The following GPM6B variants were observed in gnomAD, a reference collection of about 807,000 sequenced individuals.
The protein encoded by GPM6B is neuronal membrane glycoprotein M6-b.
GPM6B carries 4 observed loss-of-function variants against 27.2 expected under a neutral mutation model. That is an observed-to-expected ratio of 0.15 (90% CI 0.07 to 0.34). The LOEUF is 0.34. GPM6B is among the 10% of genes least tolerant of loss of function. The probability of loss-of-function intolerance (pLI) is 1.00; values close to 1 mark genes in which losing one functional copy is unlikely to be tolerated. For synonymous variants in GPM6B, 124 were observed against 103.1 expected (o/e 1.20, Z -1.23); for missense variants, 183 against 261.9 (o/e 0.70, Z 2.08).
At chrX:13,840,994 T>C (rs1032811374) in intron 1 of GPM6B, among the ~76,000 whole-genome samples, 2 of 112,304 alleles carry the variant, frequency 1.8e-5, no homozygotes, top group Admixed American at 1.9e-4. Flanking sequence ...CATATATGCA[T>C]GCATGGGTGT....
At chrX:13,913,165 T>A (rs1316925124) in intron 1 of GPM6B, among the ~76,000 whole-genome samples, 1 of 111,568 alleles carries the variant, frequency 9.0e-6, no homozygotes, top group Non-Finnish European at 1.9e-5. Context: ...TATCTATCTA[T>A]CTGAGACAGG....
At chrX:13,869,229 A>G (rs191983795) in intron 1 of GPM6B, among the ~76,000 whole-genome samples, 1 of 112,416 alleles carries the variant, frequency 8.9e-6, no homozygotes, top group East Asian at 2.8e-4. Flanking sequence ...CAGACACAAA[A>G]TATCACATAT....
At chrX:13,841,763 C>A (rs931872304) in intron 1 of GPM6B, among the ~76,000 whole-genome samples, 2 of 111,559 alleles carry the variant, frequency 1.8e-5, no homozygotes, top group Non-Finnish European at 3.8e-5. Flanking sequence ...TTCAACCAAT[C>A]TACAATGGAA....
rs771222843 is a variant in GPM6B, at chrX:13,841,273, G to T, written c.-197-55465C>A. Among the ~76,000 whole-genome samples the T allele has an allele frequency of 8.1e-5, 9 of 111,774 alleles. No homozygotes were observed. In the East Asian group the frequency reaches 2.5e-3, roughly 31 times the overall value. ...CAGATGCCTCCGTCATCCTTCCCAAGGCTGTCCTTCCCATCAAAGGCATCA... is the reference window on the plus strand; with the variant it reads ...CAGATGCCTCCGTCATCCTTCCCAATGCTGTCCTTCCCATCAAAGGCATCA... On this transcript the variant is annotated intron_variant, in intron 1 of 6. Transcript: ENST00000398361.
intron 1 of GPM6B, among the ~76,000 whole-genome samples, chrX:13,935,149 A>G (rs1921763033): frequency 9.0e-6 from 1 of 111,328 alleles, no homozygotes; most frequent in African/African-American, 3.3e-5. Context: ...GGGTTGAAAC[A>G]ATTATTTCAA....
chrX:13,807,813 CAA>C (rs766854776), intron 1 of GPM6B, 44 bp from the exon 2 acceptor site: 5 of 1,120,037 alleles, frequency 4.5e-6, no homozygotes, highest in South Asian at 4.4e-5. Flanking sequence ...CTATCTCCAG[CAA>C]AGATTCTATA....
chrX:13,820,124 C>T (rs765022768), upstream of GPM6B, among the ~76,000 whole-genome samples: 11 of 111,351 alleles, frequency 9.9e-5, no homozygotes, highest in Admixed American at 1.9e-4. Flanking sequence ...CAGAGCTGAT[C>T]GTGCTTTACA....
At chrX:13,827,918 T>C (rs1459148036) in intron 1 of GPM6B, among the ~76,000 whole-genome samples, 1 of 111,429 alleles carries the variant, frequency 9.0e-6, no homozygotes, top group Non-Finnish European at 1.9e-5. Flanking sequence ...CATCTTTCCC[T>C]GAAATAGAGT....
chrX:13,805,464 T>C (rs2049004761), intron 2 of GPM6B, among the ~76,000 whole-genome samples: 1 of 112,198 alleles, frequency 8.9e-6, no homozygotes, highest in African/African-American at 3.2e-5. Flanking sequence ...AGTGGTGGTA[T>C]CATGCAGTAC....
intron 2 of GPM6B, among the ~76,000 whole-genome samples, chrX:13,795,742 CTTT>C (rs146240939): frequency 7.2e-5 from 6 of 82,780 alleles, no homozygotes; most frequent in Admixed American, 4.2e-4. Flanking sequence ...AATTTCTTTT[CTTT>C]TTTTTTTTTT....
intron 1 of GPM6B, among the ~76,000 whole-genome samples, chrX:13,877,739 T>A (rs2050050048): frequency 1.1e-5 from 1 of 94,009 alleles, no homozygotes; most frequent in African/African-American, 4.1e-5. Flanking sequence ...GGTGGGAGGA[T>A]CACCTGAGCC....
rs2049048179 is a variant in GPM6B at position 13,807,666 on chromosome X, G to A, written c.165C>T (p.Ser55=). Reference sequence around the variant, plus strand: ...TGTATTTACCTGGACTGCTCAAGGGGCTAGCCCTGTCCCCCAGGGTTGGCA... The same window carrying A: ...TGTATTTACCTGGACTGCTCAAGGGACTAGCCCTGTCCCCCAGGGTTGGCA... ...HPVPTLGDRA[S]PLSSPGCFEC... is the part of the protein sequence containing the mutation. Residue 55 remains serine (S), a synonymous_variant, in exon 2 of 8, where the codon AGC becomes AGT. Transcript: ENST00000316715. 8.3e-7 allele frequency: 1 copy of A among 1,203,407 alleles called. No homozygotes were observed.
chrX:13,920,890 CAAAAA>C (rs35002910), intron 1 of GPM6B, among the ~76,000 whole-genome samples: 1 of 79,094 alleles, frequency 1.3e-5, no homozygotes, highest in Non-Finnish European at 2.5e-5. Flanking sequence ...GATTCCGCCT[CAAAAA>C]AAAAAAAAAG....
chrX:13,773,994 G>A (rs2048357430), intron 7 of GPM6B: 1 of 323,837 alleles, frequency 3.1e-6, no homozygotes, highest in Non-Finnish European at 3.7e-6. Context: ...AGAACTGGGT[G>A]ACCTTTTTCT....
rs1308869600 is a variant in GPM6B at position 13,779,986 on chromosome X, C to G, written c.529G>C (p.Val177Leu). The change falls in exon 5 of 8, where the codon GTT (valine) becomes CTT (leucine). Residue 177 changes from valine (V) to leucine (L), a missense_variant. By Grantham distance (32) the Val-to-Leu change is conservative. Coordinates refer to ENST00000316715, the MANE Select transcript of GPM6B (RefSeq NM_001001995.3). ...ACGRCISGMF[V>L]FLTYVLGVAW... ...ACTCCAAGCACATAGGTGAGGAAAA[C>G]GAACTAGGCCAAAACAAGAGGAAGG... 2 of 1,177,473 alleles carry G rather than the reference C, an allele frequency of 1.7e-6. No individual in the cohort carries two copies. Among genetic ancestry groups the G allele is most frequent in the African/African-American group, 1.7e-5 (1 of 57,300 alleles).
intron 1 of GPM6B, among the ~76,000 whole-genome samples, chrX:13,895,609 T>C (rs1206969120): frequency 2.7e-5 from 3 of 111,957 alleles, no homozygotes; most frequent in East Asian, 5.6e-4. Context: ...AAAGTATGTT[T>C]GAAAAGTGAC....
At chrX:13,936,642 TA>T (rs1864360508) in intron 1 of GPM6B, among the ~76,000 whole-genome samples, 1 of 112,531 alleles carries the variant, frequency 8.9e-6, no homozygotes, top group Non-Finnish European at 1.9e-5. Flanking sequence ...ATGTAAAAAC[TA>T]AAACCAAAAC....
chrX:13,900,613 G>T (rs2147042598), intron 1 of GPM6B, among the ~76,000 whole-genome samples: 1 of 112,075 alleles, frequency 8.9e-6, no homozygotes, highest in African/African-American at 3.2e-5. Context: ...AGAAAAAATG[G>T]TATTAAGCAA....
chrX:13,877,824 C>CAAAAAAAAAAAAAAAAAA lies in GPM6B; in HGVS notation c.-198+60485_-198+60502dup, dbSNP rs761891419. Among the ~76,000 whole-genome samples, 26 of 27,464 alleles carry CAAAAAAAAAAAAAAAAAA rather than the reference C, an allele frequency of 9.5e-4. 4 individuals are homozygous for CAAAAAAAAAAAAAAAAAA. The highest frequency in any genetic ancestry group is 2.4e-3 in the African/African-American group (13 of 5,455). The allele number at this position is 27,464 out of a possible 115,157, so 23.8% of individuals were successfully genotyped here. On this transcript the variant is annotated intron_variant, in intron 1 of 6. Transcript: ENST00000398361. ...CCTGGGCATTAGAGCCAGACTCTGC[C>CAAAAAAAAAAAAAAAAAA]AAAAAAAAAAAAAAAAAAAAAAAAA... is the stretch of plus-strand genomic sequence containing the variant.
Sources: gnomAD v4.1 joint callset for allele counts (sites outside exome capture counted in the v4.1 genomes callset) on GRCh38, gnomAD v4.1.1 for gene constraint, MANE v1.5 for transcripts, NCBI Gene and HGNC (gene_info 2026-07-23, HGNC 2026-07-21) for gene names.